Variants in DLGAP1 observed in about 807,000 individuals in gnomAD.
DLGAP1 encodes DLG associated protein 1.
Under a neutral mutation model 90.8 loss-of-function variants are expected in DLGAP1, and 11 were observed. The ratio of observed to expected loss-of-function variants is 0.12; its 90% CI spans 0.08 to 0.20. The LOEUF is 0.20. DLGAP1 is among the 10% of genes least tolerant of loss of function. The pLI, the probability that DLGAP1 is intolerant of heterozygous loss-of-function variation, is 1.00. For synonymous variants in DLGAP1, 558 were observed against 540.7 expected (o/e 1.03, Z -0.44); for missense variants, 1,050 against 1,333.8 (o/e 0.79, Z 3.31).
chr18:3,626,334 C>A (rs1469504552), intron 7 of DLGAP1, among the ~76,000 whole-genome samples: 5 of 151,090 alleles, frequency 3.3e-5, no homozygotes. Flanking sequence ...CGGCTCACAT[C>A]TGTAATCTTA....
chr18:3,958,195 C>T (rs2073120645), intron 3 of DLGAP1, among the ~76,000 whole-genome samples: 1 of 152,016 alleles, frequency 6.6e-6, no homozygotes, highest in Non-Finnish European at 1.5e-5. Flanking sequence ...AGGCATAAGC[C>T]ATCACTCTGG....
At chr18:3,887,767 A>G (rs545926042) in intron 3 of DLGAP1, among the ~76,000 whole-genome samples, 1 of 150,524 alleles carries the variant, frequency 6.6e-6, no homozygotes, top group Admixed American at 6.6e-5. Context: ...AAATAAGAAA[A>G]TGGTTCTTAC....
intron 1 of DLGAP1, among the ~76,000 whole-genome samples, chr18:4,266,652 G>C (rs1454069598): frequency 6.6e-6 from 1 of 152,192 alleles, no homozygotes; most frequent in Non-Finnish European, 1.5e-5. Context: ...AAAGACAGCA[G>C]ACAGCACAAG....
chr18:4,001,020 T>G (rs1348565350), intron 3 of DLGAP1, among the ~76,000 whole-genome samples: 1 of 152,150 alleles, frequency 6.6e-6, no homozygotes, highest in African/African-American at 2.4e-5. Flanking sequence ...TTTTCTTTTT[T>G]AGGAACTTCT....
rs57625422 is a variant in DLGAP1 at position 3,517,819 on chromosome 18, G to GAAA, written c.2480-9161_2480-9159dup. Among the ~76,000 whole-genome samples the GAAA allele has an allele frequency of 1.8e-4, 25 of 141,908 alleles. No individual in the cohort carries two copies. In the East Asian group the frequency reaches 3.5e-3, roughly 20 times the overall value. The allele number at this position is 141,908 out of a possible 152,430, so 93.1% of individuals were successfully genotyped here. A position where few individuals can be genotyped will look rare whatever the true frequency, so the allele number is the denominator to read the frequency against. ...GCAACAAGAGAGAAACTCTGTCTCG[G>GAAA]AAAAAAAAAAAAAAGAAGAGAGTCA... is the stretch of plus-strand genomic sequence containing the variant. On this transcript the variant is annotated intron_variant, in intron 10 of 12. Transcript: ENST00000315677. This position sits in a 1 kb window ranked among gnomAD's most constrained non-coding sequence, Gnocchi z 4.1.
At chr18:3,950,749 A>T (rs1483392833) in intron 3 of DLGAP1, among the ~76,000 whole-genome samples, 9 of 152,248 alleles carry the variant, frequency 5.9e-5, no homozygotes, top group Non-Finnish European at 1.3e-4. Flanking sequence ...AGTCTGAGGC[A>T]GACTCACCTG....
chr18:4,159,091 A>G (rs2076803001), intron 1 of DLGAP1, among the ~76,000 whole-genome samples: 1 of 152,168 alleles, frequency 6.6e-6, no homozygotes, highest in African/African-American at 2.4e-5. Context: ...GCAGTTGCCT[A>G]TTTCTGAACA....
At chr18:3,630,110 T>C (rs555911913) in intron 7 of DLGAP1, among the ~76,000 whole-genome samples, 4 of 152,200 alleles carry the variant, frequency 2.6e-5, no homozygotes, top group Non-Finnish European at 5.9e-5. Context: ...TGTGTGTCTG[T>C]GATGGTGCTT....
At chr18:3,783,785 T>C (rs138426297) in intron 5 of DLGAP1, among the ~76,000 whole-genome samples, 3 of 152,286 alleles carry the variant, frequency 2.0e-5, no homozygotes, top group African/African-American at 7.2e-5. Context: ...TATATCTAAA[T>C]AAAGTGGTTA....
At chr18:3,844,665 C>A (rs868823825) in intron 4 of DLGAP1, among the ~76,000 whole-genome samples, 3 of 152,108 alleles carry the variant, frequency 2.0e-5, no homozygotes, top group African/African-American at 7.2e-5. Flanking sequence ...ATTACCAGCA[C>A]GCTGTTATTT....
intron 4 of DLGAP1, among the ~76,000 whole-genome samples, chr18:3,852,210 C>T (rs2069380980): frequency 6.6e-6 from 1 of 152,056 alleles, no homozygotes; most frequent in African/African-American, 2.4e-5. Context: ...TGTATCAGTG[C>T]AAAGTCGTCT....
Position 3,561,261 on chromosome 18 carries a change from A to C in DLGAP1, c.2057+6229T>G, listed in dbSNP as rs544769753. ...TGAAACACCGTCTCTACTAAAAAAA[A>C]AAAACAAAAAAAAAAAAACAAACAA... On this transcript the variant is annotated intron_variant, in intron 9 of 12. Coordinates refer to ENST00000315677, the MANE Select transcript of DLGAP1 (RefSeq NM_004746.4). Among the ~76,000 whole-genome samples the C allele has an allele frequency of 7.6e-3, 783 of 102,366 alleles. 13 individuals are homozygous for C. Among genetic ancestry groups the C allele is most frequent in the East Asian group, 0.018 (38 of 2,080 alleles). The allele number at this position is 102,366 out of a possible 152,430, so 67.2% of individuals were successfully genotyped here.
chr18:4,150,626 G>T (rs2076659744), intron 2 of DLGAP1, among the ~76,000 whole-genome samples: 1 of 152,168 alleles, frequency 6.6e-6, no homozygotes, highest in Admixed American at 6.5e-5. Context: ...TGGAGATGGG[G>T]TTTCACCATA....
rs903985980 is a variant in DLGAP1 at position 3,990,571 on chromosome 18, C to T, written c.-73+14545G>A. Among the ~76,000 whole-genome samples, 8 of 150,584 alleles carry T rather than the reference C, an allele frequency of 5.3e-5. No individual in the cohort carries two copies. The East Asian group carries it at 1.6e-3, about 29-fold the overall frequency. On this transcript the variant is annotated intron_variant, in intron 3 of 12. Transcript: ENST00000315677. Reference sequence around the variant, plus strand: ...ATGGGTGCAACACACCAACATGGCACATGTATACATATGTAACAAACCTGC... The same window carrying T: ...ATGGGTGCAACACACCAACATGGCATATGTATACATATGTAACAAACCTGC...
At chr18:3,812,374 T>A (rs1306028038) in intron 5 of DLGAP1, among the ~76,000 whole-genome samples, 120 of 22,000 alleles carry the variant, frequency 5.5e-3, no homozygotes, top group Admixed American at 0.024. Context: ...TTTCCACGAA[T>A]TTTTTTTTTT....
In DLGAP1 at chr18:4,084,964, C is replaced by T. The variant is rs1202612882; in HGVS notation, c.-159+66216G>A. On this transcript the variant is annotated intron_variant, in intron 2 of 12. Coordinates refer to ENST00000315677, the MANE Select transcript of DLGAP1 (RefSeq NM_004746.4). This position sits in a 1 kb window ranked among gnomAD's most constrained non-coding sequence, Gnocchi z 4.0. The stretch of plus-strand genomic sequence containing the variant: ...CATGCTGCAAGGAGCAGGCATCGTC[C>T]AGGATGGTTAATGGGGAAGACATCA... 3.2e-5 allele frequency among the ~76,000 whole-genome samples: 4 copies of T among 126,458 alleles called. No homozygotes were observed. The highest frequency in any genetic ancestry group is 1.2e-4 in the African/African-American group (4 of 33,996). The allele number at this position is 126,458 out of a possible 152,430, so 83.0% of individuals were successfully genotyped here. A position where few individuals can be genotyped will look rare whatever the true frequency, so the allele number is the denominator to read the frequency against.
intron 7 of DLGAP1, among the ~76,000 whole-genome samples, chr18:3,636,639 C>G (rs2058726041): frequency 6.6e-6 from 1 of 151,056 alleles, no homozygotes; most frequent in Non-Finnish European, 1.5e-5. Flanking sequence ...TGGTCTCAAA[C>G]TCCTGATCTC....
chr18:4,359,267 G>A (rs2081584656), intron 1 of DLGAP1, among the ~76,000 whole-genome samples: 1 of 152,138 alleles, frequency 6.6e-6, no homozygotes, highest in Non-Finnish European at 1.5e-5. Context: ...CTTCTCCTCT[G>A]AACCAGTTCA....
chr18:4,350,465 T>A (rs1217881457), intron 1 of DLGAP1, among the ~76,000 whole-genome samples: 4 of 152,158 alleles, frequency 2.6e-5, no homozygotes, highest in Non-Finnish European at 5.9e-5. Flanking sequence ...TAAAAGTAAA[T>A]ATAATTTTCT....
Sources: allele counts gnomAD v4.1 joint callset (sites outside exome capture counted in the v4.1 genomes callset), GRCh38; gene constraint gnomAD v4.1.1; non-coding constraint Gnocchi (gnomAD v3.1); transcripts MANE v1.5; gene names NCBI Gene and HGNC (gene_info 2026-07-23, HGNC 2026-07-21).